MTERF3: variants seen among roughly 807,000 people sequenced by gnomAD.
The protein encoded by MTERF3 is transcription termination factor 3, mitochondrial.
In MTERF3, 40 loss-of-function variants were observed where a neutral mutation model predicts 40.5. The observed-to-expected ratio is 0.99, with a 90% confidence interval of 0.77 to 1.29. The LOEUF is 1.29. Among genes scored for constraint, MTERF3 ranks in the 50% most tolerant of loss-of-function variants. The pLI, the probability that MTERF3 is intolerant of heterozygous loss-of-function variation, is 0.00. For synonymous variants in MTERF3, 158 were observed against 166.6 expected (o/e 0.95, Z 0.40); for missense variants, 452 against 478.2 (o/e 0.95, Z 0.51).
chr8:96,242,846 C>T (rs1809953427), intron 7 of MTERF3, among the ~76,000 whole-genome samples: 1 of 152,108 alleles, frequency 6.6e-6, no homozygotes, highest in African/African-American at 2.4e-5. Flanking sequence ...ATCCTCAGTG[C>T]CCAATGTGTA....
At chr8:96,245,199 G>A (rs1809999295) in intron 6 of MTERF3, among the ~76,000 whole-genome samples, 1 of 152,094 alleles carries the variant, frequency 6.6e-6, no homozygotes, top group Non-Finnish European at 1.5e-5. Context: ...CGCTTGGGCA[G>A]GAGCTCAATA....
At chr8:96,250,497 G>T (rs990975623) in intron 4 of MTERF3, among the ~76,000 whole-genome samples, 1 of 144,428 alleles carries the variant, frequency 6.9e-6, no homozygotes, top group Non-Finnish European at 1.6e-5. Flanking sequence ...GATCACTTGA[G>T]GTCAGGAGTT....
rs1810293235 is a variant in MTERF3 at position 96,257,049 on chromosome 8, T to C, written c.400A>G (p.Ile134Val). ...GCTGGTGGCAATGGAGGGTCTGCAA[T>C]AATCTGAATAGCCTCTTCCTCTGAA... Reference protein sequence around the residue: ...PISEEEAIQIIADPPLPPASF... With the variant: ...PISEEEAIQIVADPPLPPASF... The change falls in exon 3 of 8, where the codon ATT becomes GTT. Residue 134 changes from isoleucine (I) to valine (V), a missense_variant. Coordinates refer to ENST00000287025, the MANE Select transcript of MTERF3 (RefSeq NM_015942.5). 6.2e-7 allele frequency: 1 copy of C among 1,614,012 alleles called. No individual in the cohort carries two copies. Among genetic ancestry groups the C allele is most frequent in the Non-Finnish European group, 8.5e-7 (1 of 1,179,914 alleles).
At chr8:96,258,108 CAAT>C (rs1810313812) in intron 2 of MTERF3, 1 of 462,426 alleles carries the variant, frequency 2.2e-6, no homozygotes, top group East Asian at 1.5e-4. Flanking sequence ...AGAATCTAAA[CAAT>C]AAAATATTTA....
At chr8:96,250,429 G>A (rs1159692331) in intron 4 of MTERF3, among the ~76,000 whole-genome samples, 3 of 147,318 alleles carry the variant, frequency 2.0e-5, no homozygotes, top group Admixed American at 6.8e-5. Flanking sequence ...TAATAATGGA[G>A]CCAGGCAGGG....
At chr8:96,255,048 A>T (rs1810255156) in intron 3 of MTERF3, among the ~76,000 whole-genome samples, 1 of 152,324 alleles carries the variant, frequency 6.6e-6, no homozygotes, top group South Asian at 2.1e-4. Context: ...GCAGAAGCCA[A>T]ATCAGGAAAA....
chr8:96,256,680 C>T (rs938370069), intron 3 of MTERF3, among the ~76,000 whole-genome samples: 2 of 152,064 alleles, frequency 1.3e-5, no homozygotes, highest in African/African-American at 4.8e-5. Flanking sequence ...ATGTCTAAAA[C>T]TGATGAACCA....
chr8:96,251,539 T>C (rs1316706003), intron 3 of MTERF3, among the ~76,000 whole-genome samples: 2 of 152,232 alleles, frequency 1.3e-5, no homozygotes, highest in African/African-American at 2.4e-5. Flanking sequence ...AATATGTTTA[T>C]GATTCCCATC....
chr8:96,260,636 T>TA (rs1485576923), intron 1 of MTERF3, among the ~76,000 whole-genome samples: 1 of 152,208 alleles, frequency 6.6e-6, no homozygotes, highest in East Asian at 1.9e-4. Context: ...CAATACCACT[T>TA]AAACATCAGG....
chr8:96,246,217 A>G (rs113200532), intron 5 of MTERF3, 90 bp downstream of exon 5: 1 of 1,237,168 alleles, frequency 8.1e-7, no homozygotes, highest in Non-Finnish European at 1.1e-6. Context: ...TATGATTCAC[A>G]TGGGCCAGGC....
chr8:96,258,171 C>T (rs1287979558), intron 2 of MTERF3, 186 bp downstream of exon 2: 1 of 876,312 alleles, frequency 1.1e-6, no homozygotes, highest in African/African-American at 1.8e-5. Flanking sequence ...TACACGTTAG[C>T]CCACAAACTT....
chr8:96,244,048 G>T lies in MTERF3; in HGVS notation c.930C>A (p.Asn310Lys), dbSNP rs150135437. The T allele has an allele frequency of 6.2e-7, 1 of 1,613,236 alleles. No individual in the cohort carries two copies. The highest frequency in any genetic ancestry group is 1.1e-5 in the South Asian group (1 of 91,028). The change falls in exon 7 of 8, where the codon AAC (asparagine) becomes AAA (lysine). Residue 310 changes from asparagine to lysine, a missense_variant. Transcript: ENST00000287025. ...VYRLELGFKHNEIQHMITRIP... is the reference protein window; with the variant it reads ...VYRLELGFKHKEIQHMITRIP... ...TTCTGGTGATCATATGTTGAATTTC[G>T]TTATGTTTAAAACCAAGTTCAAGAC... is the stretch of plus-strand genomic sequence containing the variant.
chr8:96,250,447 T>G (rs1435132165), intron 4 of MTERF3, among the ~76,000 whole-genome samples: 1 of 147,016 alleles, frequency 6.8e-6, no homozygotes, highest in Non-Finnish European at 1.5e-5. Context: ...GGGTGGCTCA[T>G]GCCTGTAAAA....
At chr8:96,245,120 A>T (rs1430546360) in intron 6 of MTERF3, among the ~76,000 whole-genome samples, 1 of 151,908 alleles carries the variant, frequency 6.6e-6, no homozygotes, top group Non-Finnish European at 1.5e-5. Flanking sequence ...AACTGCCCCC[A>T]TCACTCTGGA....
chr8:96,244,001 T>A lies in MTERF3; in HGVS notation c.977A>T (p.Asn326Ile), dbSNP rs1316140187. 1 of 1,614,130 alleles carries A rather than the reference T, an allele frequency of 6.2e-7. No homozygotes were observed. The highest frequency in any genetic ancestry group is 8.5e-7 in the Non-Finnish European group (1 of 1,179,944). ...ITRIPKMLTA[N>I]KMKLTETFDF... The stretch of plus-strand genomic sequence containing the variant: ...AAACGTCTCGGTAAGTTTCATTTTA[T>A]TTGCAGTTAACATCTTTGGGATTCT... Residue 326 changes from asparagine to isoleucine, a missense_variant, in exon 7 of 8, where the codon AAT (asparagine) becomes ATT (isoleucine). Asn to Ile is a moderately radical substitution (Grantham distance 149, BLOSUM62 -3). Coordinates refer to ENST00000287025, the MANE Select transcript of MTERF3 (RefSeq NM_015942.5).
intron 3 of MTERF3, among the ~76,000 whole-genome samples, chr8:96,253,178 G>A (rs1810217059): frequency 6.6e-6 from 1 of 152,128 alleles, no homozygotes; most frequent in African/African-American, 2.4e-5. Context: ...AAGTACAAAT[G>A]ACAAGGACTT....
intron 4 of MTERF3, among the ~76,000 whole-genome samples, chr8:96,250,273 C>T (rs886791681): frequency 3.3e-5 from 5 of 149,906 alleles, no homozygotes; most frequent in African/African-American, 7.3e-5. Context: ...CTACAAAAAC[C>T]ACAAAAGATC....
chr8:96,253,837 T>A (rs1810231050), intron 3 of MTERF3, among the ~76,000 whole-genome samples: 2 of 140,096 alleles, frequency 1.4e-5, no homozygotes, highest in South Asian at 4.5e-4. Flanking sequence ...GAGACCTCCC[T>A]CTATTTAAAA....
In MTERF3 at chr8:96,249,969, C is replaced by T. The variant is rs374819032; in HGVS notation, c.677+937G>A. 1.8e-4 allele frequency among the ~76,000 whole-genome samples: 27 copies of T among 151,956 alleles called. 1 individual carries two copies. The South Asian group carries it at 2.5e-3, about 14-fold the overall frequency. On this transcript the variant is annotated intron_variant, in intron 4 of 7. Coordinates refer to ENST00000287025, the MANE Select transcript of MTERF3 (RefSeq NM_015942.5). ...TGGGTTGAATGACAGGTGGGGGCGA[C>T]GATGAATTCAACATGTTAACTTAGG...
Sources: gnomAD v4.1 joint callset for allele counts (sites outside exome capture counted in the v4.1 genomes callset) on GRCh38, gnomAD v4.1.1 for gene constraint, MANE v1.5 for transcripts, NCBI Gene and HGNC (gene_info 2026-07-23, HGNC 2026-07-21) for gene names.